ZFHX3: variants seen among roughly 807,000 people sequenced by gnomAD.
ZFHX3 encodes zinc finger homeobox protein 3.
A neutral mutation model predicts 279.1 loss-of-function variants in ZFHX3; 42 were observed. That is an observed-to-expected ratio of 0.15 (90% CI 0.12 to 0.19). The LOEUF is 0.19. Among genes scored for constraint, ZFHX3 ranks in the 10% least tolerant of loss-of-function variants. The pLI, the probability that ZFHX3 is intolerant of heterozygous loss-of-function variation, is 1.00. For missense variants in ZFHX3, 4,981 were observed against 4,754.0 expected, an observed-to-expected ratio of 1.05 and a Z score of -1.40; for synonymous variants, 2,293 against 1,957.8, an observed-to-expected ratio of 1.17 and a Z score of -4.52.
chr16:72,896,358 C>T (rs150401571), intron 3 of ZFHX3, among the ~76,000 whole-genome samples: 5 of 152,324 alleles, frequency 3.3e-5, no homozygotes, highest in East Asian at 3.9e-4. Flanking sequence ...AAACATCTCA[C>T]GGCCCCCATC....
In ZFHX3 at chr16:72,958,739, C is replaced by T. The variant is rs1961396090; in HGVS notation, c.1407G>A (p.Glu469=). The T allele has an allele frequency of 6.2e-7, 1 of 1,612,116 alleles. No homozygotes were observed. The highest frequency in any genetic ancestry group is 8.5e-7 in the Non-Finnish European group (1 of 1,178,810). The change falls in exon 2 of 10, where the codon GAG becomes GAA. Residue 469 remains glutamate, a synonymous_variant. Transcript: ENST00000268489. The part of the protein sequence containing the change: ...AEEEAEEEEE[E]EEAEEEEEEE... ...CTTCCTCCTCCTCCTCCGCCTCTTC[C>T]TCCTCCTCTTCCTCCTCCGCCTCCT...
intron 1 of ZFHX3, among the ~76,000 whole-genome samples, chr16:73,753,320 C>T (rs187104985): frequency 7.1e-4 from 108 of 152,258 alleles, no homozygotes; most frequent in African/African-American, 2.3e-3. Context: ...AAAGCAATCC[C>T]TAGCTGCCCT....
In ZFHX3 at chr16:73,115,678, C is replaced by T. The variant is rs149795131; in HGVS notation, c.-897+15290G>A. Among the ~76,000 whole-genome samples, 45 of 152,288 alleles carry T rather than the reference C, an allele frequency of 3.0e-4. No homozygotes were observed. In the East Asian group the frequency reaches 7.1e-3, roughly 24 times the overall value. ...GGCAGGCGTAGGGCTAGATGCTTTA[C>T]GTCTTTCATTTGGCCCTCACAATTA... On this transcript the variant is annotated intron_variant, in intron 7 of 17. Coordinates refer to the ZFHX3 transcript ENST00000641206.
At chr16:73,137,040 T>C (rs902396163) in intron 6 of ZFHX3, among the ~76,000 whole-genome samples, 5 of 152,072 alleles carry the variant, frequency 3.3e-5, no homozygotes, top group Non-Finnish European at 5.9e-5. Flanking sequence ...GAAACTCACA[T>C]GTAGGAACAT....
At chr16:73,272,928 GTA>G (rs2014188962) in intron 4 of ZFHX3, among the ~76,000 whole-genome samples, 1 of 152,008 alleles carries the variant, frequency 6.6e-6, no homozygotes, top group Non-Finnish European at 1.5e-5. Flanking sequence ...TAAATTTTTT[GTA>G]GAGATGGGAT....
At chr16:73,033,084 G>T (rs1000833195) in intron 1 of ZFHX3, among the ~76,000 whole-genome samples, 1 of 152,050 alleles carries the variant, frequency 6.6e-6, no homozygotes, top group African/African-American at 2.4e-5. Flanking sequence ...GGCCCTCCTT[G>T]ACCCCACGCG....
At chr16:73,158,021 T>A (rs1597190698) in intron 5 of ZFHX3, among the ~76,000 whole-genome samples, 1 of 151,588 alleles carries the variant, frequency 6.6e-6, no homozygotes. Flanking sequence ...AAAAAAAAAA[T>A]GAGACAGGAA....
At chr16:72,875,644 T>C (rs1021843034) in intron 4 of ZFHX3, among the ~76,000 whole-genome samples, 12 of 152,204 alleles carry the variant, frequency 7.9e-5, no homozygotes, top group Non-Finnish European at 1.6e-4. Flanking sequence ...TAAACGCTAA[T>C]GCAGCCAAAA....
intron 5 of ZFHX3, chr16:72,821,824 C>A (rs375062638): frequency 3.9e-5 from 6 of 152,162 alleles, no homozygotes; most frequent in Admixed American, 3.3e-4. Flanking sequence ...ATAGTGAAAG[C>A]GCAAACATTT....
At chr16:73,882,767 G>T (rs1301910651) in intron 1 of ZFHX3, among the ~76,000 whole-genome samples, 1 of 151,798 alleles carries the variant, frequency 6.6e-6, no homozygotes, top group African/African-American at 2.4e-5. Flanking sequence ...AAGCTTCTTG[G>T]GTGCCAAGTG....
intron 2 of ZFHX3, among the ~76,000 whole-genome samples, chr16:73,615,532 T>G (rs1279601610): frequency 1.3e-5 from 2 of 152,250 alleles, no homozygotes; most frequent in African/African-American, 4.8e-5. Flanking sequence ...TGGGATCCAG[T>G]GCAGCTGTGC....
In ZFHX3 at chr16:73,641,258, TA is replaced by T. The variant is rs199794673; in HGVS notation, c.-1547+38921del. On this transcript the variant is annotated intron_variant, in intron 2 of 17. Coordinates refer to the ZFHX3 transcript ENST00000641206. ...AAAGCATAAAATCCAGGGAAAGCAA[TA>T]AAAAAAACTTCAGGAAAAACAAACA... Among the ~76,000 whole-genome samples, 737 of 151,386 alleles carry T rather than the reference TA, an allele frequency of 4.9e-3. 3 individuals are homozygous for T. The highest frequency in any genetic ancestry group is 6.7e-3 in the Non-Finnish European group (453 of 67,776).
intron 1 of ZFHX3, among the ~76,000 whole-genome samples, chr16:73,712,180 A>C (rs2142227866): frequency 6.6e-6 from 1 of 152,138 alleles, no homozygotes; most frequent in Middle Eastern, 3.4e-3. Context: ...GTCGCCACCA[A>C]GTTTGTGAGG....
chr16:73,097,441 T>G (rs919153464), intron 7 of ZFHX3, among the ~76,000 whole-genome samples: 5 of 152,186 alleles, frequency 3.3e-5, no homozygotes, highest in African/African-American at 1.2e-4. Context: ...TCTAACTTGT[T>G]TATGTAATTT....
intron 2 of ZFHX3, among the ~76,000 whole-genome samples, chr16:73,594,559 T>C (rs1466594048): frequency 6.6e-6 from 1 of 152,158 alleles, no homozygotes; most frequent in Non-Finnish European, 1.5e-5. Context: ...CAGAACAGTG[T>C]GACACTAATT....
chr16:73,446,197 C>G (rs1022164332), intron 3 of ZFHX3, among the ~76,000 whole-genome samples: 4 of 152,148 alleles, frequency 2.6e-5, no homozygotes, highest in African/African-American at 9.7e-5. Flanking sequence ...TCTTCCTGCT[C>G]TGGAACATGG....
At chr16:73,812,492 G>T (rs1246347989) in intron 1 of ZFHX3, 1 of 152,144 alleles carries the variant, frequency 6.6e-6, no homozygotes, top group Non-Finnish European at 1.5e-5. Context: ...AGACACGTTT[G>T]TTTGGGCAGT....
chr16:73,081,846 T>G (rs1965949940), intron 8 of ZFHX3, among the ~76,000 whole-genome samples: 1 of 150,796 alleles, frequency 6.6e-6, no homozygotes, highest in African/African-American at 2.4e-5. Context: ...TTTTTTTTTT[T>G]TTTTTTTTGA....
At chr16:73,100,138 C>T (rs1390144243) in intron 7 of ZFHX3, among the ~76,000 whole-genome samples, 1 of 152,168 alleles carries the variant, frequency 6.6e-6, no homozygotes, top group Non-Finnish European at 1.5e-5. Flanking sequence ...TCATTAAAAA[C>T]ATTAGGAAGT....
Sources: gnomAD v4.1 joint callset for allele counts (sites outside exome capture counted in the v4.1 genomes callset) on GRCh38, gnomAD v4.1.1 for gene constraint, MANE v1.5 for transcripts, NCBI Gene and HGNC (gene_info 2026-07-23, HGNC 2026-07-21) for gene names.